CREB5: variants seen among roughly 807,000 people sequenced by gnomAD.
CREB5 encodes cyclic AMP-responsive element-binding protein 5.
In CREB5, 19 loss-of-function variants were observed where a neutral mutation model predicts 57.1. The observed-to-expected ratio is 0.33, with a 90% CI of 0.23 to 0.49. The LOEUF (loss-of-function observed/expected upper bound fraction) is 0.49. Among genes scored for constraint, CREB5 ranks in the 20% least tolerant of loss-of-function variants. CREB5 has a pLI of 0.99. For missense variants in CREB5, 579 were observed against 671.6 expected, an observed-to-expected ratio of 0.86 and a Z score of 1.52; for synonymous variants, 238 against 238.3, an observed-to-expected ratio of 1.00 and a Z score of 0.01.
intron 4 of CREB5, among the ~76,000 whole-genome samples, chr7:28,566,849 A>T (rs1795503451): frequency 6.6e-6 from 1 of 152,174 alleles, no homozygotes; most frequent in South Asian, 2.1e-4. Context: ...AGCTTTTTCC[A>T]TTTCTGGTAG....
chr7:28,328,185 T>C (rs1461708418), intron 1 of CREB5, among the ~76,000 whole-genome samples: 3 of 152,210 alleles, frequency 2.0e-5, no homozygotes, highest in Non-Finnish European at 4.4e-5. Flanking sequence ...AGCTACTCCT[T>C]TTGCGTGGCA....
In CREB5 at chr7:28,315,388, G is replaced by T. The variant is rs371935223; in HGVS notation, c.-25+15947G>T. Among the ~76,000 whole-genome samples, 5 of 152,314 alleles carry T rather than the reference G, an allele frequency of 3.3e-5. No homozygotes were observed. In the East Asian group the frequency reaches 7.7e-4, roughly 23 times the overall value. On this transcript the variant is annotated intron_variant, in intron 1 of 9. Transcript: ENST00000396299. ...ATGACTCTGTTTGCAGCAGTTGTCCGAAGCTGAGGTTGCCTTCTGTTAGCC... is the reference window on the plus strand; with the variant it reads ...ATGACTCTGTTTGCAGCAGTTGTCCTAAGCTGAGGTTGCCTTCTGTTAGCC...
In CREB5 at chr7:28,481,530, C is replaced by A. The variant is rs138729154; in HGVS notation, c.4-6645C>A. Among the ~76,000 whole-genome samples, 687 of 152,260 alleles carry A rather than the reference C, an allele frequency of 4.5e-3. 6 individuals carry two copies. Among genetic ancestry groups the A allele is most frequent in the African/African-American group, 0.016 (652 of 41,540 alleles). On this transcript the variant is annotated intron_variant, in intron 1 of 10. Transcript: ENST00000357727. ...TCTTGGTCTTGTTCCCTGTGTAAAT[C>A]TCTGGTTTGAAAACCTTGTAGCATT...
intron 5 of CREB5, among the ~76,000 whole-genome samples, chr7:28,583,575 A>G (rs1796196465): frequency 6.6e-6 from 1 of 152,234 alleles, no homozygotes; most frequent in Admixed American, 6.5e-5. Context: ...GTACACTTAC[A>G]CATGATTGCA....
chr7:28,380,298 C>T (rs904282381), intron 1 of CREB5, among the ~76,000 whole-genome samples: 4 of 152,162 alleles, frequency 2.6e-5, no homozygotes, highest in Non-Finnish European at 4.4e-5. Context: ...AGGAATGCTT[C>T]CATCTAGTGT....
chr7:28,763,828 G>T (rs1466753051), intron 7 of CREB5, among the ~76,000 whole-genome samples: 2 of 149,942 alleles, frequency 1.3e-5, no homozygotes, highest in Admixed American at 1.3e-4. Flanking sequence ...TTGAGACAGG[G>T]TCTTGCTCTG....
At chr7:28,575,264 C>G (rs1795861693) in intron 5 of CREB5, among the ~76,000 whole-genome samples, 1 of 152,178 alleles carries the variant, frequency 6.6e-6, no homozygotes, top group African/African-American at 2.4e-5. Flanking sequence ...TGTGTGAGTT[C>G]ACGTTCCTGC....
intron 5 of CREB5, among the ~76,000 whole-genome samples, chr7:28,660,304 T>G (rs1337426318): frequency 6.6e-6 from 1 of 151,930 alleles, no homozygotes; most frequent in African/African-American, 2.4e-5. Context: ...AGAACCACTG[T>G]CCTCAAAAGA....
intron 5 of CREB5, among the ~76,000 whole-genome samples, chr7:28,682,586 A>G (rs1485974909): frequency 1.3e-5 from 2 of 150,914 alleles, no homozygotes; most frequent in African/African-American, 4.9e-5. Context: ...CTCAAACTCC[A>G]CCGGGACTGT....
intron 1 of CREB5, among the ~76,000 whole-genome samples, chr7:28,344,713 A>G (rs1786005852): frequency 1.3e-5 from 2 of 152,148 alleles, no homozygotes; most frequent in African/African-American, 2.4e-5. Context: ...CAGAATGGCT[A>G]AGTGGATTTA....
intron 5 of CREB5, among the ~76,000 whole-genome samples, chr7:28,612,550 G>A (rs970000135): frequency 3.1e-5 from 3 of 97,836 alleles, no homozygotes; most frequent in Non-Finnish European, 4.2e-5. Flanking sequence ...AGGGGTGTGT[G>A]TGTGTGTGTG....
At chr7:28,629,153 C>T (rs1371657662) in intron 5 of CREB5, among the ~76,000 whole-genome samples, 1 of 152,174 alleles carries the variant, frequency 6.6e-6, no homozygotes, top group Non-Finnish European at 1.5e-5. Flanking sequence ...TTAAATAAAA[C>T]AATACGTGCG....
chr7:28,780,254 G>T (rs896900156), intron 7 of CREB5, among the ~76,000 whole-genome samples: 1 of 152,152 alleles, frequency 6.6e-6, no homozygotes, highest in South Asian at 2.1e-4. Context: ...CTAAGGAGAC[G>T]AAAGAAGCTG....
At chr7:28,560,881 T>TGTGCGC (rs1554344374) in intron 4 of CREB5, among the ~76,000 whole-genome samples, 3 of 46,206 alleles carry the variant, frequency 6.5e-5, no homozygotes, top group African/African-American at 2.1e-4. Context: ...TGCGCGTGCG[T>TGTGCGC]GCGTGCGTGT....
In CREB5 at chr7:28,824,812, A is replaced by T. The variant is rs112601311; in HGVS notation, c.*5533A>T. The T allele has an allele frequency of 7.5e-3, 1,152 of 152,760 alleles. 9 individuals carry two copies. Among genetic ancestry groups the T allele is most frequent in the Non-Finnish European group, 0.012 (795 of 68,024 alleles). The allele number at this position is 152,760 out of a possible 1,614,324, so 9.5% of individuals were successfully genotyped here. A position where few individuals can be genotyped will look rare whatever the true frequency, so the allele number is the denominator to read the frequency against. On this transcript the variant is annotated 3_prime_UTR_variant, in exon 11 of 11. Transcript: ENST00000357727. ...ACAGCTGAAGTGGGGGGTAAGGCCA[A>T]ATTGCCAACACTTGTTAAAAGATTA...
At chr7:28,624,676 GAA>G (rs56161206) in intron 5 of CREB5, among the ~76,000 whole-genome samples, 64 of 130,108 alleles carry the variant, frequency 4.9e-4, no homozygotes, top group African/African-American at 1.2e-3. Context: ...CAACAGACGT[GAA>G]AAAAAAAAAA....
intron 5 of CREB5, among the ~76,000 whole-genome samples, chr7:28,571,761 T>A (rs11766409): frequency 0.11 from 16,023 of 152,208 alleles, 1,133 homozygotes; most frequent in Middle Eastern, 0.21. Flanking sequence ...TCCAGCCTCA[T>A]GAGAGTAAAG....
At chr7:28,330,684 A>G (rs1346874103) in intron 1 of CREB5, among the ~76,000 whole-genome samples, 3 of 151,844 alleles carry the variant, frequency 2.0e-5, no homozygotes, top group African/African-American at 7.2e-5. Flanking sequence ...GCAGGTTGAA[A>G]GCAGCAGCAC....
At chr7:28,364,488 G>T (rs1786549508) in intron 1 of CREB5, among the ~76,000 whole-genome samples, 1 of 152,190 alleles carries the variant, frequency 6.6e-6, no homozygotes, top group South Asian at 2.1e-4. Flanking sequence ...AATGCACTGA[G>T]AGTGCATCTC....
Sources: gnomAD v4.1 joint callset for allele counts (sites outside exome capture counted in the v4.1 genomes callset) on GRCh38, gnomAD v4.1.1 for gene constraint, MANE v1.5 for transcripts, NCBI Gene and HGNC (gene_info 2026-07-23, HGNC 2026-07-21) for gene names.